HDX: variants seen among roughly 807,000 people sequenced by gnomAD.
The protein encoded by HDX is highly divergent homeobox.
HDX carries 19 observed loss-of-function variants against 45.2 expected under a neutral mutation model. The ratio of observed to expected loss-of-function variants is 0.42; its 90% CI spans 0.29 to 0.62. The LOEUF is 0.62. Ranked by LOEUF, HDX falls within the 20% of genes least tolerant of loss-of-function variation. HDX has a pLI of 0.20. For missense variants in HDX, 532 were observed against 493.9 expected, an observed-to-expected ratio of 1.08 and a Z score of -0.73; for synonymous variants, 188 against 172.8, an observed-to-expected ratio of 1.09 and a Z score of -0.69.
At chrX:84,417,533 T>C (rs2039142998) in intron 5 of HDX, among the ~76,000 whole-genome samples, 1 of 112,414 alleles carries the variant, frequency 8.9e-6, no homozygotes, top group African/African-American at 3.2e-5. Flanking sequence ...CTCTTGACTT[T>C]CAGTGCACTC....
At chrX:84,383,395 A>G (rs1225528106) in intron 5 of HDX, among the ~76,000 whole-genome samples, 1 of 111,977 alleles carries the variant, frequency 8.9e-6, no homozygotes, top group African/African-American at 3.2e-5. Flanking sequence ...TTCCAAAATA[A>G]TGTGTAGTAT....
intron 4 of HDX, among the ~76,000 whole-genome samples, chrX:84,454,038 G>A (rs915042469): frequency 9.0e-6 from 1 of 111,513 alleles, no homozygotes; most frequent in Non-Finnish European, 1.9e-5. Context: ...GCTGACTGAC[G>A]TGCCCTTTGA....
At chrX:84,337,367 G>T (rs1291617454) in intron 7 of HDX, among the ~76,000 whole-genome samples, 1 of 110,791 alleles carries the variant, frequency 9.0e-6, no homozygotes, top group Non-Finnish European at 1.9e-5. Flanking sequence ...AAATTTTCAT[G>T]GAGACACACT....
At chrX:84,371,656 C>T (rs2037897667) in intron 5 of HDX, among the ~76,000 whole-genome samples, 1 of 112,007 alleles carries the variant, frequency 8.9e-6, no homozygotes, top group East Asian at 2.8e-4. Context: ...ATGTCACTCA[C>T]ATGACAGCTA....
At chrX:84,486,637 C>CT (rs978744275) in intron 2 of HDX, among the ~76,000 whole-genome samples, 1,121 of 106,222 alleles carry the variant, frequency 0.011, 24 homozygotes, top group African/African-American at 0.037. Context: ...TCGGGGTTGA[C>CT]TTTTTTTTTT....
chrX:84,374,643 A>C (rs2037994250), intron 5 of HDX, among the ~76,000 whole-genome samples: 1 of 107,135 alleles, frequency 9.3e-6, no homozygotes, highest in Non-Finnish European at 1.9e-5. Flanking sequence ...AGCAATGGGG[A>C]AAGGATTCCC....
At chrX:84,377,142 A>G (rs2038075693) in intron 5 of HDX, among the ~76,000 whole-genome samples, 1 of 112,144 alleles carries the variant, frequency 8.9e-6, no homozygotes, top group African/African-American at 3.2e-5. Flanking sequence ...CATTGTCAAG[A>G]CCATGAAGGC....
chrX:84,423,440 T>A (rs928220309), intron 5 of HDX, among the ~76,000 whole-genome samples: 1 of 98,880 alleles, frequency 1.0e-5, no homozygotes, highest in Non-Finnish European at 2.0e-5. Context: ...ACTCATTCTA[T>A]GGGTGAAGTA....
chrX:84,335,431 C>T (rs2036939613), intron 8 of HDX, among the ~76,000 whole-genome samples: 1 of 111,250 alleles, frequency 9.0e-6, no homozygotes, highest in African/African-American at 3.3e-5. Flanking sequence ...TCTAAAAAAT[C>T]AATTGCTTTT....
intron 4 of HDX, among the ~76,000 whole-genome samples, chrX:84,446,017 C>T (rs1158473833): frequency 1.8e-5 from 2 of 111,249 alleles, no homozygotes; most frequent in Non-Finnish European, 3.8e-5. Context: ...TAAGATGTTT[C>T]AGAATTATAA....
intron 5 of HDX, among the ~76,000 whole-genome samples, chrX:84,379,975 G>A (rs1359325275): frequency 1.8e-5 from 2 of 110,188 alleles, no homozygotes; most frequent in Non-Finnish European, 3.8e-5. Flanking sequence ...AACCTTTAGC[G>A]ACACTAACAA....
Position 84,468,953 on chromosome X carries a change from G to T in HDX, c.770C>A (p.Thr257Lys), listed in dbSNP as rs777924646. The T allele has an allele frequency of 1.7e-6, 2 of 1,211,749 alleles. No homozygotes were observed. Among genetic ancestry groups the T allele is most frequent in the Non-Finnish European group, 2.2e-6 (2 of 895,493 alleles). Residue 257 changes from threonine (T) to lysine (K), a missense_variant, in exon 4 of 11, where the codon ACA becomes AAA. By Grantham distance (78) the Thr-to-Lys change is moderately conservative. This residue lies in a region of HDX where 376 missense variants were observed against 343.7 expected (regional missense o/e 1.09). Transcript: ENST00000373177. ...CACTTCACGGATTTCCAAGTTTTGT[G>T]TTCTACAGTAAGGGTCTCTAATAGT... is the stretch of plus-strand genomic sequence containing the variant. ...KPTIRDPYCR[T>K]QNLEIREVFS...
At chrX:84,400,601 T>C (rs1396868730) in intron 5 of HDX, among the ~76,000 whole-genome samples, 15 of 110,951 alleles carry the variant, frequency 1.4e-4, no homozygotes. Flanking sequence ...ATAGGAATAA[T>C]CAATATTGTG....
At chrX:84,403,603 T>G (rs1471451522) in intron 5 of HDX, among the ~76,000 whole-genome samples, 1 of 111,439 alleles carries the variant, frequency 9.0e-6, no homozygotes, top group African/African-American at 3.3e-5. Context: ...AATACAGAAT[T>G]TTCAGTTGGC....
intron 4 of HDX, among the ~76,000 whole-genome samples, chrX:84,448,694 A>T (rs1008044092): frequency 9.0e-6 from 1 of 111,247 alleles, no homozygotes; most frequent in East Asian, 2.8e-4. Context: ...GGCAACTGTT[A>T]TACCAGATGC....
intron 5 of HDX, among the ~76,000 whole-genome samples, chrX:84,439,227 C>A (rs1211459233): frequency 2.7e-5 from 3 of 111,025 alleles, no homozygotes; most frequent in Non-Finnish European, 5.7e-5. Context: ...CTGTTCATGT[C>A]TTTTGCCCAT....
chrX:84,440,164 A>T (rs2039729662), intron 5 of HDX: 1 of 118,305 alleles, frequency 8.5e-6, no homozygotes, highest in African/African-American at 3.2e-5. Context: ...ACTTGCACTA[A>T]AAGAAAATAG....
chrX:84,385,837 G>GTTTT (rs764533335), intron 5 of HDX, among the ~76,000 whole-genome samples: 3 of 73,458 alleles, frequency 4.1e-5, no homozygotes, highest in Non-Finnish European at 7.7e-5. Flanking sequence ...TACTTGAATG[G>GTTTT]TTTTTTTTTT....
At chrX:84,380,459 G>A (rs2038162067) in intron 5 of HDX, among the ~76,000 whole-genome samples, 1 of 109,219 alleles carries the variant, frequency 9.2e-6, no homozygotes, top group Non-Finnish European at 1.9e-5. Flanking sequence ...GATAAATATC[G>A]ATGTAAACAT....
Sources: allele counts gnomAD v4.1 joint callset (sites outside exome capture counted in the v4.1 genomes callset), GRCh38; gene constraint gnomAD v4.1.1; regional missense constraint gnomAD v4.1.1; transcripts MANE v1.5; gene names NCBI Gene and HGNC (gene_info 2026-07-23, HGNC 2026-07-21).